Variants in EXOC6B observed in about 807,000 individuals in gnomAD.
The protein encoded by EXOC6B is exocyst complex component 6B, also known as SEC15 homolog B.
Under a neutral mutation model 113.5 loss-of-function variants are expected in EXOC6B, and 54 were observed. That is an observed-to-expected ratio of 0.48 (90% CI 0.38 to 0.60). EXOC6B has a LOEUF of 0.60. Ranked by LOEUF, EXOC6B falls within the 20% of genes least tolerant of loss-of-function variation. EXOC6B has a pLI of 0.00. For synonymous variants in EXOC6B, 357 were observed against 339.0 expected, an observed-to-expected ratio of 1.05 and a Z score of -0.58; for missense variants, 797 against 977.5, an observed-to-expected ratio of 0.82 and a Z score of 2.46.
chr2:72,345,508 T>C, intron 19 of EXOC6B, among the ~76,000 whole-genome samples: 1 of 151,976 alleles, frequency 6.6e-6, no homozygotes. Flanking sequence ...TAAAAAGAAA[T>C]GGGCTATCAA....
At chr2:72,500,386 AAACT>A (rs755968229) in intron 11 of EXOC6B, among the ~76,000 whole-genome samples, 51 of 152,212 alleles carry the variant, frequency 3.4e-4, no homozygotes, top group Non-Finnish European at 3.4e-4. Context: ...GAAAATAAAC[AAACT>A]AAGCACTGAA....
chr2:72,276,996 G>A (rs1395386976), intron 20 of EXOC6B, among the ~76,000 whole-genome samples: 1 of 152,074 alleles, frequency 6.6e-6, no homozygotes, highest in Non-Finnish European at 1.5e-5. Flanking sequence ...CTTCTTCAGA[G>A]GATCATTTTG....
intron 7 of EXOC6B, among the ~76,000 whole-genome samples, chr2:72,563,639 T>C (rs1704008070): frequency 6.6e-6 from 1 of 152,072 alleles, no homozygotes; most frequent in South Asian, 2.1e-4. Context: ...ACAGAAGATA[T>C]ACAGATTTAG....
intron 1 of EXOC6B, 51 bp from the exon 2 acceptor site, chr2:72,741,520 A>C (rs1260783369): frequency 2.0e-5 from 31 of 1,521,118 alleles, no homozygotes; most frequent in Non-Finnish European, 2.7e-5. Context: ...TCTAAGAAGG[A>C]AAAACAAAAT....
Position 72,179,460 on chromosome 2 carries a change from T to C in EXOC6B, c.2311A>G (p.Met771Val). ...TTGTTCTTGCGGCTAGTATCCTTCATCCTAAACAGAGAAGGAAAGAAAGAG... is the reference window on the plus strand; with the variant it reads ...TTGTTCTTGCGGCTAGTATCCTTCACCCTAAACAGAGAAGGAAAGAAAGAG... ...PVTALTLLEK[M>V]KDTSRKNNMF... Residue 771 changes from methionine to valine, a missense_variant and splice_region_variant, in exon 22 of 22, where the codon ATG becomes GTG. By Grantham distance (21) the Met-to-Val change is conservative. Transcript: ENST00000272427. The C allele has an allele frequency of 1.9e-6, 3 of 1,613,764 alleles. No homozygotes were observed. The highest frequency in any genetic ancestry group is 1.3e-5 in the African/African-American group (1 of 74,970).
At chr2:72,416,873 A>G (rs1358186085) in intron 18 of EXOC6B, among the ~76,000 whole-genome samples, 1 of 152,118 alleles carries the variant, frequency 6.6e-6, no homozygotes, top group Non-Finnish European at 1.5e-5. Flanking sequence ...TACAAAAAGC[A>G]TCCTGCTTTT....
intron 20 of EXOC6B, among the ~76,000 whole-genome samples, chr2:72,268,059 A>T (rs1397389163): frequency 6.6e-6 from 1 of 152,230 alleles, no homozygotes; most frequent in African/African-American, 2.4e-5. Flanking sequence ...AAAGTGTGAC[A>T]TATTAATATA....
chr2:72,199,891 G>GTTTTTA (rs1376342231), intron 20 of EXOC6B, among the ~76,000 whole-genome samples: 29 of 152,098 alleles, frequency 1.9e-4, no homozygotes, highest in South Asian at 8.3e-4. Context: ...CTTTTGGGAG[G>GTTTTTA]TTTTTATTTT....
At chr2:72,577,447 C>T (rs1704945845) in intron 6 of EXOC6B, among the ~76,000 whole-genome samples, 3 of 152,000 alleles carry the variant, frequency 2.0e-5, no homozygotes, top group South Asian at 4.1e-4. Flanking sequence ...AGAGAGTGAT[C>T]ATTTGCTCCC....
At chr2:72,422,198 G>A (rs1173743858) in intron 18 of EXOC6B, among the ~76,000 whole-genome samples, 1 of 152,210 alleles carries the variant, frequency 6.6e-6, no homozygotes, top group Non-Finnish European at 1.5e-5. Flanking sequence ...CCACCCAAGG[G>A]CTGAGGAATG....
intron 2 of EXOC6B, among the ~76,000 whole-genome samples, chr2:72,735,002 A>T (rs1260259592): frequency 1.3e-5 from 2 of 152,250 alleles, no homozygotes; most frequent in East Asian, 3.8e-4. Context: ...TTATTACTCA[A>T]ACCAATGTTT....
At chr2:72,463,815 G>A (rs538167274) in intron 18 of EXOC6B, 1 of 152,252 alleles carries the variant, frequency 6.6e-6, no homozygotes, top group South Asian at 2.1e-4. Flanking sequence ...AAATCCCATA[G>A]ACTGGTAGCT....
At chr2:72,298,797 T>C (rs1686312765) in intron 20 of EXOC6B, among the ~76,000 whole-genome samples, 1 of 152,224 alleles carries the variant, frequency 6.6e-6, no homozygotes, top group African/African-American at 2.4e-5. Context: ...TCTTTAAGAA[T>C]GTTGAATATT....
At position 72,192,905 on chromosome 2, in the gene EXOC6B, T is replaced by C. The variant is rs900846355; in HGVS notation, c.2197-8718A>G. Among the ~76,000 whole-genome samples the C allele has an allele frequency of 6.6e-5, 10 of 152,294 alleles. No homozygotes were observed. In the East Asian group the frequency reaches 7.7e-4, roughly 12 times the overall value. ...GACTACAAAATGATTTCAAATAACA[T>C]GCTTTTCTGGGACACTTAACATATA... On this transcript the variant is annotated intron_variant, in intron 20 of 21. Coordinates refer to ENST00000272427, the MANE Select transcript of EXOC6B (RefSeq NM_015189.3).
At chr2:72,394,361 G>A (rs1321568536) in intron 18 of EXOC6B, among the ~76,000 whole-genome samples, 1 of 152,104 alleles carries the variant, frequency 6.6e-6, no homozygotes, top group Non-Finnish European at 1.5e-5. Context: ...AGACAATTAA[G>A]TGCTAAATTG....
intron 20 of EXOC6B, among the ~76,000 whole-genome samples, chr2:72,257,711 T>C (rs1414149713): frequency 6.6e-6 from 1 of 152,192 alleles, no homozygotes; most frequent in Non-Finnish European, 1.5e-5. Flanking sequence ...GATGCCTTCC[T>C]ATTCTGAGGA....
At chr2:72,797,249 G>C (rs1254358646) in intron 1 of EXOC6B, among the ~76,000 whole-genome samples, 1 of 152,208 alleles carries the variant, frequency 6.6e-6, no homozygotes, top group Non-Finnish European at 1.5e-5. Context: ...GGAAAGAGCT[G>C]TTTTTACAAA....
intron 8 of EXOC6B, among the ~76,000 whole-genome samples, chr2:72,523,282 C>T (rs1472401248): frequency 2.0e-5 from 3 of 152,152 alleles, no homozygotes; most frequent in Non-Finnish European, 2.9e-5. Context: ...ATTTCCTTTT[C>T]TTCATGAAAT....
intron 20 of EXOC6B, among the ~76,000 whole-genome samples, chr2:72,281,786 C>T (rs1300087076): frequency 6.6e-6 from 1 of 152,136 alleles, no homozygotes; most frequent in Non-Finnish European, 1.5e-5. Flanking sequence ...AAACCATGTG[C>T]CAAGGCACAT....
Sources: gnomAD v4.1 joint callset for allele counts (sites outside exome capture counted in the v4.1 genomes callset) on GRCh38, gnomAD v4.1.1 for gene constraint, MANE v1.5 for transcripts, NCBI Gene and HGNC (gene_info 2026-07-23, HGNC 2026-07-21) for gene names.